The following ATP8A2 variants were observed in gnomAD, a reference collection of about 807,000 sequenced individuals.
ATP8A2 encodes the protein phospholipid-transporting ATPase IB.
In ATP8A2, 100 loss-of-function variants were observed where a neutral mutation model predicts 165.6. The observed-to-expected ratio is 0.60, with a 90% CI of 0.51 to 0.71. ATP8A2 has a LOEUF of 0.71. ATP8A2 is among the 30% of genes least tolerant of loss of function. The probability of loss-of-function intolerance (pLI) is 0.00; values close to 1 mark genes in which losing one functional copy is unlikely to be tolerated. For synonymous variants in ATP8A2, 543 were observed against 548.8 expected (o/e 0.99, Z 0.15); for missense variants, 1,227 against 1,479.5 (o/e 0.83, Z 2.80).
chr13:25,523,088 A>G (rs2037721800), intron 2 of ATP8A2, among the ~76,000 whole-genome samples: 1 of 151,756 alleles, frequency 6.6e-6, no homozygotes, highest in Non-Finnish European at 1.5e-5. Context: ...ACTGCCGTCC[A>G]GCCTGGGCAA....
At chr13:25,548,946 A>G (rs1046380702) in intron 10 of ATP8A2, among the ~76,000 whole-genome samples, 9 of 152,148 alleles carry the variant, frequency 5.9e-5, no homozygotes, top group African/African-American at 2.2e-4. Flanking sequence ...TTAGGAGTGA[A>G]TTGCCTCATG....
At chr13:25,375,225 T>C (rs1467242533) in intron 1 of ATP8A2, among the ~76,000 whole-genome samples, 2 of 152,206 alleles carry the variant, frequency 1.3e-5, no homozygotes, top group Non-Finnish European at 2.9e-5. Flanking sequence ...GTGCCTTCTA[T>C]GTGCCCGGCA....
intron 24 of ATP8A2, among the ~76,000 whole-genome samples, chr13:25,589,954 GT>G (rs2040026544): frequency 6.6e-6 from 1 of 152,142 alleles, no homozygotes; most frequent in African/African-American, 2.4e-5. Context: ...AAATGGGATA[GT>G]TTTAATCTGA....
intron 2 of ATP8A2, among the ~76,000 whole-genome samples, chr13:25,498,342 C>G (rs1427393849): frequency 6.6e-6 from 1 of 152,214 alleles, no homozygotes; most frequent in Non-Finnish European, 1.5e-5. Context: ...AATTTCTCAT[C>G]ATAGAAATAA....
At chr13:26,014,204 A>G (rs1293243857) in intron 36 of ATP8A2, among the ~76,000 whole-genome samples, 1 of 152,182 alleles carries the variant, frequency 6.6e-6, no homozygotes, top group African/African-American at 2.4e-5. Flanking sequence ...CTGCTTCTGC[A>G]TCTGTAAAGT....
intron 33 of ATP8A2, among the ~76,000 whole-genome samples, chr13:25,890,690 A>T (rs1446076011): frequency 6.6e-6 from 1 of 152,260 alleles, no homozygotes; most frequent in Non-Finnish European, 1.5e-5. Flanking sequence ...TGTAGTAGAA[A>T]TACGAAAATA....
At chr13:26,013,369 C>A (rs903938360) in intron 36 of ATP8A2, among the ~76,000 whole-genome samples, 2 of 152,094 alleles carry the variant, frequency 1.3e-5, no homozygotes, top group Non-Finnish European at 2.9e-5. Context: ...TAGAGGGAAA[C>A]GACTGGTAGA....
rs111325272 is a variant in ATP8A2, at chr13:25,848,107, C to T, written c.2956+8483C>T. On this transcript the variant is annotated intron_variant, in intron 30 of 36. Transcript: ENST00000381655. ...AGCGTCTCTCCAACCTCCTGAGCTC[C>T]GTGGCGCTACCTGGCATGGCCTTGC... is the stretch of plus-strand genomic sequence containing the variant. Among the ~76,000 whole-genome samples the T allele has an allele frequency of 1.1e-3, 171 of 152,366 alleles. 3 individuals are homozygous for T. In the South Asian group the frequency reaches 0.027, roughly 24 times the overall value.
chr13:25,572,091 T>G (rs1286681809), intron 18 of ATP8A2, among the ~76,000 whole-genome samples: 1 of 151,866 alleles, frequency 6.6e-6, no homozygotes, highest in East Asian at 1.9e-4. Flanking sequence ...TGGGCTTCAG[T>G]CTCTTCAGCT....
chr13:25,816,450 G>A (rs975591095), intron 27 of ATP8A2, among the ~76,000 whole-genome samples: 1 of 152,202 alleles, frequency 6.6e-6, no homozygotes, highest in Admixed American at 6.5e-5. Context: ...CCCAGTTGCT[G>A]AATGGAATCT....
intron 25 of ATP8A2, among the ~76,000 whole-genome samples, chr13:25,752,792 C>G (rs886997666): frequency 3.9e-5 from 6 of 152,116 alleles, no homozygotes; most frequent in African/African-American, 1.4e-4. Context: ...CAAAGTGTTT[C>G]CTCTACCTCA....
At chr13:25,875,111 A>G (rs554484620) in intron 33 of ATP8A2, among the ~76,000 whole-genome samples, 18 of 149,188 alleles carry the variant, frequency 1.2e-4, no homozygotes, top group Admixed American at 4.0e-4. Context: ...GGAAATGAAG[A>G]GCTGCTGTTT....
At chr13:25,721,227 G>C (rs1469781957) in intron 25 of ATP8A2, among the ~76,000 whole-genome samples, 1 of 150,266 alleles carries the variant, frequency 6.7e-6, no homozygotes, top group Non-Finnish European at 1.5e-5. Flanking sequence ...TTCAATAACA[G>C]TTTTGTTGAG....
At chr13:25,917,838 C>T (rs963328765) in intron 33 of ATP8A2, among the ~76,000 whole-genome samples, 2 of 152,106 alleles carry the variant, frequency 1.3e-5, no homozygotes, top group Non-Finnish European at 2.9e-5. Flanking sequence ...AAAATAATTT[C>T]TTCAAAATTC....
At chr13:25,888,868 A>G (rs1953256909) in intron 33 of ATP8A2, among the ~76,000 whole-genome samples, 1 of 152,200 alleles carries the variant, frequency 6.6e-6, no homozygotes, top group South Asian at 2.1e-4. Context: ...CTCAAGAAAT[A>G]AAACTGTAGA....
chr13:25,787,039 T>C (rs2045047301), intron 27 of ATP8A2, among the ~76,000 whole-genome samples: 1 of 152,204 alleles, frequency 6.6e-6, no homozygotes, highest in African/African-American at 2.4e-5. Context: ...TGCCTTGGCC[T>C]CCCAAAGTGC....
chr13:25,554,894 A>G, intron 12 of ATP8A2, 97 bp from the exon 13 acceptor site: 2 of 798,148 alleles, frequency 2.5e-6, no homozygotes, highest in Admixed American at 2.4e-5. Flanking sequence ...AAAGGGTTTT[A>G]GATTACCCAT....
At chr13:25,828,078 A>C in intron 27 of ATP8A2, 40 bp from the exon 28 acceptor site, 1 of 1,506,244 alleles carries the variant, frequency 6.6e-7, no homozygotes, top group Non-Finnish European at 9.2e-7. Flanking sequence ...CATTTAGGTC[A>C]ATATTGATAT....
At chr13:25,592,357 T>C (rs2040109528) in intron 24 of ATP8A2, among the ~76,000 whole-genome samples, 2 of 152,212 alleles carry the variant, frequency 1.3e-5, no homozygotes, top group Non-Finnish European at 2.9e-5. Flanking sequence ...ACTCAGTAAA[T>C]GTTTGAATGA....
Sources: gnomAD v4.1 joint callset for allele counts (sites outside exome capture counted in the v4.1 genomes callset) on GRCh38, gnomAD v4.1.1 for gene constraint, MANE v1.5 for transcripts, NCBI Gene and HGNC (gene_info 2026-07-23, HGNC 2026-07-21) for gene names.